The following SGCZ variants were observed in gnomAD, a reference collection of about 807,000 sequenced individuals.
The protein encoded by SGCZ is sarcoglycan zeta.
A neutral mutation model predicts 41.3 loss-of-function variants in SGCZ; 40 were observed. That is an observed-to-expected ratio of 0.97 (90% CI 0.75 to 1.26). The LOEUF is 1.26. SGCZ is among the 50% of genes most tolerant of loss of function. The probability of loss-of-function intolerance (pLI) is 0.00; values close to 1 mark genes in which losing one functional copy is unlikely to be tolerated. For missense variants in SGCZ, 552 were observed against 369.8 expected, an observed-to-expected ratio of 1.49 and a Z score of -4.04; for synonymous variants, 206 against 137.5, an observed-to-expected ratio of 1.50 and a Z score of -3.49.
rs368918804 is a variant in SGCZ, at chr8:14,500,818, T to G, written c.234+53914A>C. ...GTGGTATCTATATCCAACAAGTTAG[T>G]GGAGTTTTTCTGGTTTTCATATGTA... On this transcript the variant is annotated intron_variant, in intron 2 of 7. Coordinates refer to ENST00000382080, the MANE Select transcript of SGCZ (RefSeq NM_139167.4). 3.9e-5 allele frequency among the ~76,000 whole-genome samples: 6 copies of G among 152,052 alleles called. No homozygotes were observed. In the East Asian group the frequency reaches 9.6e-4, roughly 24 times the overall value.
chr8:14,684,187 A>T lies in SGCZ; in HGVS notation c.40-129261T>A, dbSNP rs185636828. ...TCTAACTAAATGAACGTCTACATGT[A>T]CTCACTCCCTTCATAATGCAATTTT... On this transcript the variant is annotated intron_variant, in intron 1 of 7. Transcript: ENST00000382080. Among the ~76,000 whole-genome samples the T allele has an allele frequency of 1.6e-4, 24 of 152,156 alleles. No individual in the cohort carries two copies. The East Asian group carries it at 4.3e-3, about 27-fold the overall frequency.
At chr8:15,117,925 C>T (rs1807332597) in intron 1 of SGCZ, among the ~76,000 whole-genome samples, 2 of 152,156 alleles carry the variant, frequency 1.3e-5, no homozygotes, top group Non-Finnish European at 2.9e-5. Context: ...CTTAAACATA[C>T]CAGACATGTA....
At chr8:14,164,486 G>T in intron 5 of SGCZ, 94 bp downstream of exon 5, 1 of 1,448,736 alleles carries the variant, frequency 6.9e-7, no homozygotes, top group Non-Finnish European at 9.5e-7. Context: ...TCTACTTTAG[G>T]CATAGGAATC....
chr8:14,714,134 A>T (rs1395695817), intron 1 of SGCZ, among the ~76,000 whole-genome samples: 1 of 151,750 alleles, frequency 6.6e-6, no homozygotes, highest in Non-Finnish European at 1.5e-5. Flanking sequence ...CGCCCAGCTA[A>T]TTTTTTGTAT....
chr8:15,189,600 G>A (rs1800465608), intron 1 of SGCZ, among the ~76,000 whole-genome samples: 1 of 150,284 alleles, frequency 6.7e-6, no homozygotes, highest in Admixed American at 6.6e-5. Flanking sequence ...TTGCTCTATT[G>A]CCCAGGCTAG....
intron 5 of SGCZ, 78 bp from the exon 6 acceptor site, chr8:14,108,313 T>C: frequency 3.8e-6 from 5 of 1,308,190 alleles, no homozygotes; most frequent in South Asian, 1.2e-5. Flanking sequence ...ATGCATCAAA[T>C]ATTCTTCCAA....
At chr8:14,543,711 C>T (rs1459504494) in intron 2 of SGCZ, among the ~76,000 whole-genome samples, 3 of 151,988 alleles carry the variant, frequency 2.0e-5, no homozygotes, top group Admixed American at 2.0e-4. Flanking sequence ...TTAGTACGGG[C>T]AAGGCAAGAT....
intron 1 of SGCZ, among the ~76,000 whole-genome samples, chr8:14,706,059 C>G (rs1428046191): frequency 1.3e-5 from 2 of 151,922 alleles, no homozygotes; most frequent in Non-Finnish European, 2.9e-5. Flanking sequence ...TTATTGGGCA[C>G]CATGACTCCT....
chr8:14,338,843 A>G (rs1253975536), intron 2 of SGCZ, among the ~76,000 whole-genome samples: 1 of 152,106 alleles, frequency 6.6e-6, no homozygotes, highest in African/African-American at 2.4e-5. Context: ...CCCTATGACA[A>G]GAGTGCTCAT....
At chr8:15,058,188 G>GT (rs1254491280) in intron 1 of SGCZ, among the ~76,000 whole-genome samples, 46 of 152,150 alleles carry the variant, frequency 3.0e-4, no homozygotes, top group Non-Finnish European at 2.9e-5. Context: ...ACAGCAGTAT[G>GT]TCTCAATAAG....
At chr8:14,206,685 C>T (rs1805626644) in intron 4 of SGCZ, among the ~76,000 whole-genome samples, 1 of 152,164 alleles carries the variant, frequency 6.6e-6, no homozygotes, top group Non-Finnish European at 1.5e-5. Flanking sequence ...AAGCAGTTAC[C>T]TCTGGCCTGC....
intron 2 of SGCZ, among the ~76,000 whole-genome samples, chr8:14,389,024 G>A (rs1489953483): frequency 1.3e-5 from 2 of 151,844 alleles, no homozygotes. Flanking sequence ...AAGACACTAT[G>A]AGATATAAAG....
rs1202830363 is a variant in SGCZ at position 14,805,853 on chromosome 8, A to T, written c.40-250927T>A. 4.6e-5 allele frequency among the ~76,000 whole-genome samples: 7 copies of T among 151,676 alleles called. 1 individual carries two copies. The East Asian group carries it at 9.8e-4, about 21-fold the overall frequency. The stretch of plus-strand genomic sequence containing the variant: ...AAGTAAACCTCTCCTCAGCAAATGT[A>T]AAAGAACAGAAATTATAACAAACTA... On this transcript the variant is annotated intron_variant, in intron 1 of 7. Coordinates refer to ENST00000382080, the MANE Select transcript of SGCZ (RefSeq NM_139167.4).
chr8:15,124,578 G>A (rs1256049738), intron 1 of SGCZ, among the ~76,000 whole-genome samples: 1 of 152,140 alleles, frequency 6.6e-6, no homozygotes, highest in Non-Finnish European at 1.5e-5. Flanking sequence ...TACTGGAATA[G>A]TCTATTTATT....
intron 1 of SGCZ, among the ~76,000 whole-genome samples, chr8:15,155,451 C>T (rs978351537): frequency 1.3e-5 from 2 of 152,134 alleles, no homozygotes. Flanking sequence ...AAACAATACT[C>T]CTATCTTGAC....
intron 1 of SGCZ, among the ~76,000 whole-genome samples, chr8:14,901,081 C>A (rs2130760199): frequency 6.6e-6 from 1 of 152,218 alleles, no homozygotes; most frequent in East Asian, 1.9e-4. Context: ...AGGAAGAGAG[C>A]TTGAACTCCT....
At chr8:14,380,357 C>A (rs767983220) in intron 2 of SGCZ, among the ~76,000 whole-genome samples, 1 of 152,012 alleles carries the variant, frequency 6.6e-6, no homozygotes, top group African/African-American at 2.4e-5. Flanking sequence ...CTATATTTTT[C>A]TAGTGTTGAA....
intron 1 of SGCZ, among the ~76,000 whole-genome samples, chr8:14,743,211 C>A (rs961152535): frequency 1.3e-5 from 2 of 152,000 alleles, no homozygotes; most frequent in South Asian, 4.2e-4. Flanking sequence ...CTTTATAGAC[C>A]GTATCAAATG....
intron 3 of SGCZ, among the ~76,000 whole-genome samples, chr8:14,263,930 G>T (rs1443210278): frequency 3.9e-5 from 6 of 152,232 alleles, no homozygotes. Context: ...CTACCAGGGT[G>T]AAACCCAGCA....
Sources: gnomAD v4.1 joint callset for allele counts (sites outside exome capture counted in the v4.1 genomes callset) on GRCh38, gnomAD v4.1.1 for gene constraint, MANE v1.5 for transcripts, NCBI Gene and HGNC (gene_info 2026-07-23, HGNC 2026-07-21) for gene names.